The following APP variants were observed in gnomAD, a reference collection of about 807,000 sequenced individuals.
The protein encoded by APP is amyloid-beta precursor protein.
In APP, 31 loss-of-function variants were observed where a neutral mutation model predicts 101.4. The ratio of observed to expected loss-of-function variants is 0.31; its 90% confidence interval spans 0.23 to 0.41. APP has a LOEUF of 0.41. Ranked by LOEUF, APP falls within the 10% of genes least tolerant of loss-of-function variation. APP has a pLI of 1.00. For synonymous variants in APP, 366 were observed against 364.4 expected, an observed-to-expected ratio of 1.00 and a Z score of -0.05; for missense variants, 839 against 1,003.7, an observed-to-expected ratio of 0.84 and a Z score of 2.22.
chr21:25,924,513 C>A (rs4817072), intron 13 of APP, among the ~76,000 whole-genome samples: 141,810 of 141,810 alleles, frequency 1, 70,905 homozygotes, highest in Non-Finnish European at 1. Flanking sequence ...TAACATAGGA[C>A]CAGAAACCCA....
chr21:26,140,380 C>T, intron 1 of APP: 15 of 1,470,616 alleles, frequency 1.0e-5, no homozygotes, highest in Non-Finnish European at 1.3e-5. Context: ...CACAGCAAGG[C>T]TGTGCTATTT....
intron 2 of APP, among the ~76,000 whole-genome samples, chr21:26,101,008 A>G (rs1405469016): frequency 6.6e-6 from 1 of 151,490 alleles, no homozygotes; most frequent in Non-Finnish European, 1.5e-5. Flanking sequence ...CCTAGACCCT[A>G]GCCCCTAGCT....
Position 25,881,199 on chromosome 21 carries a change from T to C in APP, c.*471A>G, listed in dbSNP as rs906248824. On this transcript the variant is annotated 3_prime_UTR_variant, in exon 18 of 18. Transcript: ENST00000346798. ...TCTGAAATACTTAAAAATGTTTAAC[T>C]TTAAAATGCATAGTGATCAGGAAAG... 1.0e-5 allele frequency: 2 copies of C among 197,094 alleles called. No individual in the cohort carries two copies. The highest frequency in any genetic ancestry group is 1.1e-4 in the Admixed American group (2 of 18,792). 12.2% of individuals were successfully genotyped at this position (197,094 alleles called of 1,614,324 possible).
chr21:26,012,075 G>A (rs1450483206), intron 6 of APP, among the ~76,000 whole-genome samples: 3 of 117,012 alleles, frequency 2.6e-5, no homozygotes, highest in Non-Finnish European at 6.3e-5. Flanking sequence ...GTGTGATCAC[G>A]GCTCACTGCA....
At chr21:26,089,894 T>TC in intron 3 of APP, 49 bp downstream of exon 3, 1 of 1,612,576 alleles carries the variant, frequency 6.2e-7, no homozygotes, top group Non-Finnish European at 8.5e-7. Context: ...TTTTCTTCCC[T>TC]CAAGACCAGG....
At chr21:26,104,488 A>T (rs939345677) in intron 2 of APP, among the ~76,000 whole-genome samples, 1 of 152,234 alleles carries the variant, frequency 6.6e-6, no homozygotes, top group Admixed American at 6.5e-5. Flanking sequence ...GACTCAATTT[A>T]AACCATAAGA....
chr21:26,099,655 T>C (rs910618193), intron 2 of APP, among the ~76,000 whole-genome samples: 1 of 152,248 alleles, frequency 6.6e-6, no homozygotes, highest in African/African-American at 2.4e-5. Context: ...AAATATCACA[T>C]CTTAAACTAT....
At chr21:26,032,832 C>G (rs537912443) in intron 5 of APP, among the ~76,000 whole-genome samples, 1 of 149,598 alleles carries the variant, frequency 6.7e-6, no homozygotes, top group Non-Finnish European at 1.5e-5. Flanking sequence ...AAAGAGCTAT[C>G]CTTTACTGGG....
upstream of APP, chr21:26,170,846 G>A: frequency 2.1e-6 from 1 of 469,306 alleles, no homozygotes; most frequent in Non-Finnish European, 3.7e-6. Context: ...GCACCCGAGA[G>A]AGACCCCTAG....
intron 1 of APP, among the ~76,000 whole-genome samples, chr21:26,170,138 G>A (rs114660499): frequency 6.6e-6 from 1 of 152,176 alleles, no homozygotes; most frequent in African/African-American, 2.4e-5. Context: ...GAAAGGAAAG[G>A]GCAACGATTC....
chr21:26,043,201 T>G (rs536352699), intron 5 of APP, among the ~76,000 whole-genome samples: 1 of 152,238 alleles, frequency 6.6e-6, no homozygotes, highest in East Asian at 1.9e-4. Flanking sequence ...AATTACTGCA[T>G]GTCTAGAATG....
chr21:26,123,868 T>C (rs930121591), intron 1 of APP, among the ~76,000 whole-genome samples: 2 of 152,064 alleles, frequency 1.3e-5, no homozygotes, highest in East Asian at 3.9e-4. Context: ...ACGCCAATAT[T>C]AGGAGGGTGC....
intron 11 of APP, among the ~76,000 whole-genome samples, chr21:25,973,598 G>A (rs1011916234): frequency 2.0e-5 from 3 of 151,962 alleles, no homozygotes; most frequent in Non-Finnish European, 4.4e-5. Flanking sequence ...AAAATGGCCC[G>A]GTCCACAATC....
chr21:26,084,830 A>G (rs2061672070), intron 3 of APP, among the ~76,000 whole-genome samples: 1 of 152,230 alleles, frequency 6.6e-6, no homozygotes. Flanking sequence ...TTTCAAAACT[A>G]AAGTGTATTT....
At chr21:26,092,810 C>G (rs915447308) in intron 2 of APP, among the ~76,000 whole-genome samples, 3 of 152,114 alleles carry the variant, frequency 2.0e-5, no homozygotes, top group Non-Finnish European at 2.9e-5. Flanking sequence ...TCTGTACCTT[C>G]CTCTCAACTT....
At chr21:25,944,998 A>G (rs1350751629) in intron 13 of APP, among the ~76,000 whole-genome samples, 1 of 152,216 alleles carries the variant, frequency 6.6e-6, no homozygotes, top group East Asian at 1.9e-4. Flanking sequence ...ACTGCATTGG[A>G]TCATCAAAAG....
At chr21:25,928,981 A>T (rs1436185316) in intron 13 of APP, 1 of 152,268 alleles carries the variant, frequency 6.6e-6, no homozygotes, top group Admixed American at 6.5e-5. Flanking sequence ...CGGCCTCCCA[A>T]AGTGCTGGGA....
intron 9 of APP, among the ~76,000 whole-genome samples, chr21:25,981,941 A>G (rs2042448432): frequency 6.6e-6 from 1 of 152,210 alleles, no homozygotes; most frequent in African/African-American, 2.4e-5. Context: ...TACAGACTGT[A>G]AACAATCGTA....
chr21:25,964,394 A>G (rs1056325435), intron 11 of APP, among the ~76,000 whole-genome samples: 16 of 152,178 alleles, frequency 1.1e-4, no homozygotes, highest in Admixed American at 2.0e-4. Context: ...ATGGCTAACA[A>G]AAGCTAAAAC....
Sources: gnomAD v4.1 joint callset for allele counts (sites outside exome capture counted in the v4.1 genomes callset) on GRCh38, gnomAD v4.1.1 for gene constraint, MANE v1.5 for transcripts, NCBI Gene and HGNC (gene_info 2026-07-23, HGNC 2026-07-21) for gene names.